RUNX2: variants seen among roughly 807,000 people sequenced by gnomAD.
RUNX2 encodes RUNX family transcription factor 2, also known as runt-related transcription factor 2.
Under a neutral mutation model 51.7 loss-of-function variants are expected in RUNX2, and 10 were observed. The observed-to-expected ratio is 0.19, with a 90% CI of 0.12 to 0.33. RUNX2 has a LOEUF of 0.33. Ranked by LOEUF, RUNX2 falls within the 10% of genes least tolerant of loss-of-function variation. The pLI is 1.00. For missense variants in RUNX2, 562 were observed against 691.3 expected (o/e 0.81, Z 2.10); for synonymous variants, 276 against 273.6 (o/e 1.01, Z -0.09).
chr6:45,365,869 G>T (rs1581940886), intron 2 of RUNX2, among the ~76,000 whole-genome samples: 1 of 131,220 alleles, frequency 7.6e-6, no homozygotes, highest in South Asian at 2.5e-4. Context: ...ATGTCAATCG[G>T]TAGATCAAAA....
chr6:45,381,064 A>G (rs1479655228), intron 2 of RUNX2, among the ~76,000 whole-genome samples: 1 of 152,236 alleles, frequency 6.6e-6, no homozygotes, highest in Non-Finnish European at 1.5e-5. Context: ...CACCATGGAA[A>G]TAAACTGGGT....
chr6:45,504,037 T>C (rs556754400), intron 6 of RUNX2, among the ~76,000 whole-genome samples: 1 of 152,154 alleles, frequency 6.6e-6, no homozygotes, highest in Non-Finnish European at 1.5e-5. Flanking sequence ...TGCTTTTTTT[T>C]CTCAGATTTC....
chr6:45,383,070 T>C (rs1358239439), intron 2 of RUNX2, among the ~76,000 whole-genome samples: 1 of 152,170 alleles, frequency 6.6e-6, no homozygotes, highest in Non-Finnish European at 1.5e-5. Context: ...AGATCAGGAA[T>C]GCAGTTTGGG....
intron 5 of RUNX2, among the ~76,000 whole-genome samples, chr6:45,466,576 C>T (rs754179871): frequency 4.6e-5 from 7 of 152,164 alleles, no homozygotes; most frequent in Non-Finnish European, 8.8e-5. Flanking sequence ...AGAAGGGTGG[C>T]CAGGATGGCA....
At chr6:45,412,343 G>A (rs985654453) in intron 2 of RUNX2, among the ~76,000 whole-genome samples, 20 of 151,970 alleles carry the variant, frequency 1.3e-4, no homozygotes, top group African/African-American at 4.8e-4. Context: ...GTGACAGAGA[G>A]AGACCCTGTC....
At chr6:45,495,607 C>T (rs148598855) in intron 6 of RUNX2, among the ~76,000 whole-genome samples, 69 of 152,332 alleles carry the variant, frequency 4.5e-4, no homozygotes, top group Non-Finnish European at 8.4e-4. Context: ...AGTTTCCTCT[C>T]TGCAATTGGC....
intron 2 of RUNX2, chr6:45,422,281 AC>A: frequency 3.2e-6 from 1 of 315,320 alleles, no homozygotes. Flanking sequence ...GGCCAAACAC[AC>A]CCCCGCGCCC....
At position 45,550,740 on chromosome 6, in the gene RUNX2, C is replaced by T. The variant is rs1802539243; in HGVS notation, c.*3435C>T. On this transcript the variant is annotated 3_prime_UTR_variant, in exon 9 of 9. Coordinates refer to ENST00000647337, the MANE Select transcript of RUNX2 (RefSeq NM_001024630.4). ...CCAAAACCATAACTTACAATAATTT[C>T]TTAGGTATTCTGAATAAAATTCCAT... The T allele has an allele frequency of 6.6e-6, 1 of 152,604 alleles. No individual in the cohort carries two copies. Among genetic ancestry groups the T allele is most frequent in the Non-Finnish European group, 1.5e-5 (1 of 68,030 alleles). 9.5% of individuals were successfully genotyped at this position (152,604 alleles called of 1,614,324 possible).
Position 45,549,532 on chromosome 6 carries a change from T to A in RUNX2, c.*2227T>A. 2.5e-6 allele frequency: 1 copy of A among 397,120 alleles called. No individual in the cohort carries two copies. Among genetic ancestry groups the A allele is most frequent in the Non-Finnish European group, 4.4e-6 (1 of 225,580 alleles). The allele number at this position is 397,120 out of a possible 1,614,324, so 24.6% of individuals were successfully genotyped here. On this transcript the variant is annotated 3_prime_UTR_variant, in exon 9 of 9. Transcript: ENST00000647337. ...ACTTAAGTAAGAAGGAAGTAGTAAT[T>A]GATACTATTTATTGTTTGTGTGTGG...
In RUNX2 at chr6:45,492,066, A is replaced by G. The variant is rs1190085215; in HGVS notation, c.811A>G (p.Asn271Asp). 6.2e-7 allele frequency: 1 copy of G among 1,613,872 alleles called. No individual in the cohort carries two copies. Among genetic ancestry groups the G allele is most frequent in the Non-Finnish European group, 8.5e-7 (1 of 1,179,902 alleles). Residue 271 changes from asparagine (N) to aspartate (D), a missense_variant, in exon 6 of 9, where the codon AAC becomes GAC. Physicochemically the swap from Asn to Asp is conservative, Grantham distance 23. This residue lies in a region of RUNX2 where 304 missense variants were observed against 353.2 expected (regional missense o/e 0.86). Transcript: ENST00000647337. ...GCCTCAGAACCCACGGCCCTCCCTG[A>G]ACTCTGCACCAAGTCCTTTTAATCC... ...VPPQNPRPSL[N>D]SAPSPFNPQG... is the part of the protein sequence containing the mutation.
chr6:45,404,544 T>C (rs1328068452), intron 2 of RUNX2, among the ~76,000 whole-genome samples: 1 of 152,190 alleles, frequency 6.6e-6, no homozygotes, highest in East Asian at 1.9e-4. Flanking sequence ...TTTTTGATAG[T>C]GTTGTTGTTG....
chr6:45,545,424 T>C (rs1311553931), intron 8 of RUNX2, 142 bp downstream of exon 8: 4 of 902,726 alleles, frequency 4.4e-6, no homozygotes, highest in Non-Finnish European at 6.5e-6. Context: ...ATCATGGCAC[T>C]TAACCCTTGC....
chr6:45,412,939 C>T (rs1582084691), intron 2 of RUNX2, among the ~76,000 whole-genome samples: 2 of 151,974 alleles, frequency 1.3e-5, no homozygotes, highest in South Asian at 2.1e-4. Context: ...TAGGTAGAGG[C>T]GGGGTTTCAC....
At chr6:45,484,867 CT>C (rs1330702613) in intron 5 of RUNX2, among the ~76,000 whole-genome samples, 1 of 152,178 alleles carries the variant, frequency 6.6e-6, no homozygotes, top group Non-Finnish European at 1.5e-5. Context: ...TCCAAAACTG[CT>C]GTGGAATAGC....
intron 6 of RUNX2, among the ~76,000 whole-genome samples, chr6:45,509,836 C>T (rs902887758): frequency 3.9e-4 from 59 of 152,276 alleles, no homozygotes; most frequent in Admixed American, 2.1e-3. Flanking sequence ...GGGCCCTAGA[C>T]GGATGACTTG....
At chr6:45,497,740 C>T (rs1800687579) in intron 6 of RUNX2, among the ~76,000 whole-genome samples, 1 of 152,100 alleles carries the variant, frequency 6.6e-6, no homozygotes, top group South Asian at 2.1e-4. Context: ...TTGGACTTTT[C>T]AAAGTCTAGG....
At chr6:45,392,857 T>C (rs1040709733) in intron 2 of RUNX2, among the ~76,000 whole-genome samples, 3 of 152,216 alleles carry the variant, frequency 2.0e-5, no homozygotes, top group African/African-American at 7.2e-5. Context: ...CCTTCTGTTA[T>C]TTCCATTACA....
chr6:45,420,112 G>C (rs1429268128), intron 2 of RUNX2, among the ~76,000 whole-genome samples: 1 of 152,080 alleles, frequency 6.6e-6, no homozygotes, highest in Admixed American at 6.5e-5. Context: ...CTTACCCCTC[G>C]AGAGCGCACA....
intron 2 of RUNX2, among the ~76,000 whole-genome samples, chr6:45,364,923 G>C (rs1794869984): frequency 1.3e-5 from 2 of 152,052 alleles, no homozygotes; most frequent in Admixed American, 6.6e-5. Context: ...CACAGACTCA[G>C]GCAAATAATT....
Sources: gnomAD v4.1 joint callset for allele counts (sites outside exome capture counted in the v4.1 genomes callset) on GRCh38, gnomAD v4.1.1 for gene constraint, gnomAD v4.1.1 regional missense constraint, MANE v1.5 for transcripts, NCBI Gene and HGNC (gene_info 2026-07-23, HGNC 2026-07-21) for gene names.